Variants in RTN4RL1 observed in about 807,000 individuals in gnomAD.
RTN4RL1 encodes the protein reticulon-4 receptor-like 1.
RTN4RL1 carries 7 observed loss-of-function variants against 25.6 expected under a neutral mutation model. The ratio of observed to expected loss-of-function variants is 0.27; its 90% CI spans 0.16 to 0.51. RTN4RL1 has a LOEUF of 0.51. Among genes scored for constraint, RTN4RL1 ranks in the 20% least tolerant of loss-of-function variants. The pLI, the probability that RTN4RL1 is intolerant of heterozygous loss-of-function variation, is 0.97. For missense variants in RTN4RL1, 500 were observed against 615.6 expected (o/e 0.81, Z 1.99); for synonymous variants, 297 against 288.2 (o/e 1.03, Z -0.31).
At chr17:2,018,783 G>C (rs2067160542) in intron 1 of RTN4RL1, among the ~76,000 whole-genome samples, 1 of 152,180 alleles carries the variant, frequency 6.6e-6, no homozygotes, top group South Asian at 2.1e-4. Context: ...CCTGCAGGGT[G>C]GGGGTGGAGG....
intron 1 of RTN4RL1, among the ~76,000 whole-genome samples, chr17:1,999,545 T>C (rs191469138): frequency 6.6e-6 from 1 of 152,104 alleles, no homozygotes; most frequent in African/African-American, 2.4e-5. Context: ...CAAAGAGCTG[T>C]TCACCCACTG....
intron 1 of RTN4RL1, among the ~76,000 whole-genome samples, chr17:1,974,076 G>C (rs2066832302): frequency 1.3e-5 from 2 of 151,254 alleles, no homozygotes; most frequent in Admixed American, 6.6e-5. Flanking sequence ...CCTTAGGAGG[G>C]GGGAAAGGTT....
rs191938846 is a variant in RTN4RL1 at position 1,957,361 on chromosome 17, G to A, written c.14-19553C>T. Reference sequence around the variant, plus strand: ...GAGCTATGTAAAACAGACCAGGCCCGTGAGCCTCATATGAAGAGGAGACCG... The same window carrying A: ...GAGCTATGTAAAACAGACCAGGCCCATGAGCCTCATATGAAGAGGAGACCG... On this transcript the variant is annotated intron_variant, in intron 1 of 1. Transcript: ENST00000331238. Among the ~76,000 whole-genome samples the A allele has an allele frequency of 9.2e-5, 14 of 152,264 alleles. No individual in the cohort carries two copies. The East Asian group carries it at 2.7e-3, about 29-fold the overall frequency.
intron 1 of RTN4RL1, among the ~76,000 whole-genome samples, chr17:1,969,849 T>C (rs2066810212): frequency 6.6e-6 from 1 of 152,108 alleles, no homozygotes; most frequent in Non-Finnish European, 1.5e-5. Flanking sequence ...ACTCTGTGGG[T>C]CAAACAGGCT....
At chr17:1,999,696 A>G (rs2151321852) in intron 1 of RTN4RL1, among the ~76,000 whole-genome samples, 1 of 151,274 alleles carries the variant, frequency 6.6e-6, no homozygotes, top group African/African-American at 2.4e-5. Context: ...ACACACGCAC[A>G]GGCACACACA....
chr17:1,970,454 T>G lies in RTN4RL1; in HGVS notation c.14-32646A>C, dbSNP rs985452766. 9.9e-5 allele frequency among the ~76,000 whole-genome samples: 15 copies of G among 152,212 alleles called. 1 individual carries two copies. The highest frequency in any genetic ancestry group is 7.2e-4 in the Admixed American group (11 of 15,276). ...CCTTCTTAAGGCTTAGGACCTGAACTGGCACAGCCTTACTTTCACTGCATT... is the reference window on the plus strand; with the variant it reads ...CCTTCTTAAGGCTTAGGACCTGAACGGGCACAGCCTTACTTTCACTGCATT... On this transcript the variant is annotated intron_variant, in intron 1 of 1. Coordinates refer to ENST00000331238, the MANE Select transcript of RTN4RL1 (RefSeq NM_178568.4).
intron 1 of RTN4RL1, among the ~76,000 whole-genome samples, chr17:1,945,662 C>A (rs750004790): frequency 9.2e-5 from 14 of 152,194 alleles, no homozygotes; most frequent in Non-Finnish European, 1.9e-4. Context: ...CCCTGCTTCA[C>A]TTTACCCCAC....
At chr17:1,969,352 C>T (rs1235266497) in intron 1 of RTN4RL1, among the ~76,000 whole-genome samples, 1 of 152,016 alleles carries the variant, frequency 6.6e-6, no homozygotes, top group Non-Finnish European at 1.5e-5. Flanking sequence ...CCACCATGCC[C>T]GGCCCGGACC....
intron 1 of RTN4RL1, among the ~76,000 whole-genome samples, chr17:1,976,724 C>T (rs1278869614): frequency 6.6e-6 from 1 of 152,168 alleles, no homozygotes; most frequent in Non-Finnish European, 1.5e-5. Flanking sequence ...AGACCACCAC[C>T]CAGCTCACGG....
At chr17:1,982,333 C>T (rs2066870669) in intron 1 of RTN4RL1, among the ~76,000 whole-genome samples, 1 of 142,338 alleles carries the variant, frequency 7.0e-6, no homozygotes, top group Non-Finnish European at 1.5e-5. Context: ...GAAGAGGAAG[C>T]CGGGCGAGGT....
chr17:1,938,905 G>C (rs919116115), intron 1 of RTN4RL1, among the ~76,000 whole-genome samples: 10 of 151,752 alleles, frequency 6.6e-5, no homozygotes, highest in African/African-American at 1.9e-4. Flanking sequence ...ACAAAAATTA[G>C]CCGGGTGGCT....
intron 1 of RTN4RL1, among the ~76,000 whole-genome samples, chr17:1,938,918 T>A (rs1051474044): frequency 6.6e-6 from 1 of 151,704 alleles, no homozygotes; most frequent in Non-Finnish European, 1.5e-5. Flanking sequence ...GGGTGGCTAC[T>A]CAGGAGGCTC....
At position 1,937,666 on chromosome 17, in the gene RTN4RL1, G is replaced by A; in HGVS notation, c.156C>T (p.Ile52=). ...GGAAGACGCGCTCGCTGTCCACGGGGATGCCCTCCGGGATGGCTGCAAAGT... is the reference window on the plus strand; with the variant it reads ...GGAAGACGCGCTCGCTGTCCACGGGAATGCCCTCCGGGATGGCTGCAAAGT... ...AHNFAAIPEG[I]PVDSERVFLQ... is the part of the protein sequence containing the mutation. The change falls in exon 2 of 2, where the codon ATC becomes ATT. Residue 52 remains isoleucine (I), a synonymous_variant. Coordinates refer to ENST00000331238, the MANE Select transcript of RTN4RL1 (RefSeq NM_178568.4). 1 of 1,613,770 alleles carries A rather than the reference G, an allele frequency of 6.2e-7. No homozygotes were observed. Among genetic ancestry groups the A allele is most frequent in the Middle Eastern group, 1.6e-4 (1 of 6,062 alleles).
At chr17:2,015,444 G>A (rs1464166224) in intron 1 of RTN4RL1, among the ~76,000 whole-genome samples, 3 of 152,178 alleles carry the variant, frequency 2.0e-5, no homozygotes, top group East Asian at 1.9e-4. Context: ...CGGCCGTGCT[G>A]AAAGCCCCCA....
intron 1 of RTN4RL1, among the ~76,000 whole-genome samples, chr17:1,939,330 G>A (rs1209655597): frequency 6.6e-6 from 1 of 151,596 alleles, no homozygotes; most frequent in Non-Finnish European, 1.5e-5. Context: ...TCCAGCCTGG[G>A]CGACAGAGCG....
chr17:2,021,609 C>T (rs1264099823), intron 1 of RTN4RL1, among the ~76,000 whole-genome samples: 2 of 131,216 alleles, frequency 1.5e-5, no homozygotes, highest in Admixed American at 9.4e-5. Context: ...GGCTGGAGTG[C>T]AGTGGTGCGA....
chr17:1,959,912 G>A (rs1050255435), intron 1 of RTN4RL1, among the ~76,000 whole-genome samples: 1 of 152,148 alleles, frequency 6.6e-6, no homozygotes, highest in African/African-American at 2.4e-5. Flanking sequence ...TTAGACATGT[G>A]TTCTGGCTCT....
At chr17:1,956,291 GCGTA>G (rs1448984330) in intron 1 of RTN4RL1, among the ~76,000 whole-genome samples, 2 of 152,134 alleles carry the variant, frequency 1.3e-5, no homozygotes, top group African/African-American at 4.8e-5. Context: ...AGCTCCTAAC[GCGTA>G]CGGCGAAAGA....
At chr17:1,971,721 G>C (rs564171251) in intron 1 of RTN4RL1, among the ~76,000 whole-genome samples, 4 of 152,044 alleles carry the variant, frequency 2.6e-5, no homozygotes, top group African/African-American at 9.7e-5. Context: ...CCAGCACTTT[G>C]GGGGGCAGAG....
Sources: gnomAD v4.1 joint callset for allele counts (sites outside exome capture counted in the v4.1 genomes callset) on GRCh38, gnomAD v4.1.1 for gene constraint, MANE v1.5 for transcripts, NCBI Gene and HGNC (gene_info 2026-07-23, HGNC 2026-07-21) for gene names.